The following MYPN variants were observed in gnomAD, a reference collection of about 807,000 sequenced individuals.
The protein encoded by MYPN is myopalladin, also known as sarcomeric protein myopalladin, 145 kDa (MYOP).
A neutral mutation model predicts 129.4 loss-of-function variants in MYPN; 63 were observed. That is an observed-to-expected ratio of 0.49 (90% confidence interval 0.40 to 0.60). The LOEUF (loss-of-function observed/expected upper bound fraction) is 0.60. MYPN is among the 20% of genes least tolerant of loss of function. MYPN has a pLI of 0.00. For synonymous variants in MYPN, 629 were observed against 600.9 expected (o/e 1.05, Z -0.68); for missense variants, 1,596 against 1,635.4 (o/e 0.98, Z 0.42).
chr10:68,198,442 C>T (rs1198573440), intron 16 of MYPN, among the ~76,000 whole-genome samples: 1 of 152,196 alleles, frequency 6.6e-6, no homozygotes, highest in East Asian at 1.9e-4. Context: ...GTCACCCTTT[C>T]TGCCCATAGA....
chr10:68,163,486 C>T (rs772901353), intron 8 of MYPN, among the ~76,000 whole-genome samples: 2 of 149,988 alleles, frequency 1.3e-5, no homozygotes, highest in East Asian at 2.0e-4. Flanking sequence ...AAAATTAGCC[C>T]GGCGTGGTGG....
intron 1 of MYPN, among the ~76,000 whole-genome samples, chr10:68,110,020 A>G (rs2042059743): frequency 6.6e-6 from 1 of 152,226 alleles, no homozygotes; most frequent in African/African-American, 2.4e-5. Context: ...CCACACATTC[A>G]TTTATTAAAA....
chr10:68,104,150 T>A (rs1190179148), upstream of MYPN, among the ~76,000 whole-genome samples: 1 of 152,202 alleles, frequency 6.6e-6, no homozygotes, highest in African/African-American at 2.4e-5. Flanking sequence ...AATACACTTG[T>A]AAGAAATGTT....
At chr10:68,202,724 T>A (rs2043738977) in intron 18 of MYPN, among the ~76,000 whole-genome samples, 1 of 152,162 alleles carries the variant, frequency 6.6e-6, no homozygotes, top group African/African-American at 2.4e-5. Flanking sequence ...AGGGGACAAG[T>A]AAGTAAAGGT....
chr10:68,185,642 A>T (rs111263314), intron 12 of MYPN, among the ~76,000 whole-genome samples: 3 of 152,230 alleles, frequency 2.0e-5, no homozygotes, highest in Non-Finnish European at 4.4e-5. Context: ...TATGTGAATT[A>T]TTCATTTTGA....
At chr10:68,155,067 G>C (rs2042845002) in intron 6 of MYPN, among the ~76,000 whole-genome samples, 1 of 152,100 alleles carries the variant, frequency 6.6e-6, no homozygotes, top group African/African-American at 2.4e-5. Flanking sequence ...TGTGGTCCCA[G>C]CTACTTGGGA....
chr10:68,142,852 G>A (rs2042598089), intron 2 of MYPN, 88 bp from the exon 3 acceptor site: 1 of 1,254,350 alleles, frequency 8.0e-7, no homozygotes, highest in South Asian at 1.2e-5. Flanking sequence ...GACTTCAAAT[G>A]AAGCTCATTT....
In MYPN at chr10:68,122,172, C is replaced by T. The variant is rs143574079; in HGVS notation, c.734C>T (p.Ala245Val). 3.7e-6 allele frequency: 6 copies of T among 1,610,592 alleles called. No individual in the cohort carries two copies. The highest frequency in any genetic ancestry group is 5.1e-6 in the Non-Finnish European group (6 of 1,178,000). Residue 245 changes from alanine to valine, a missense_variant, in exon 2 of 20, where the codon GCG becomes GTG. Coordinates refer to ENST00000358913, the MANE Select transcript of MYPN (RefSeq NM_032578.4). ...RREAEQAASE[A>V]AGGDTTPGSS... is the part of the protein sequence containing the mutation. ...GAAGCGGAGCAGGCTGCCAGTGAGGCGGCTGGTGGAGACACTACACCAGGG... is the reference window on the plus strand; with the variant it reads ...GAAGCGGAGCAGGCTGCCAGTGAGGTGGCTGGTGGAGACACTACACCAGGG...
At chr10:68,205,982 G>A (rs1045379311) in intron 18 of MYPN, among the ~76,000 whole-genome samples, 5 of 152,086 alleles carry the variant, frequency 3.3e-5, no homozygotes, top group Non-Finnish European at 7.4e-5. Context: ...TCAATGAAAG[G>A]TAAACACTTA....
intron 2 of MYPN, among the ~76,000 whole-genome samples, chr10:68,139,454 C>T (rs879334186): frequency 6.6e-5 from 10 of 152,104 alleles, no homozygotes; most frequent in Non-Finnish European, 7.4e-5. Flanking sequence ...TTCTTTTTGT[C>T]TCTATGGTTT....
At chr10:68,145,570 A>C in intron 4 of MYPN, 44 bp downstream of exon 4, 1 of 1,497,636 alleles carries the variant, frequency 6.7e-7, no homozygotes, top group Non-Finnish European at 9.3e-7. Flanking sequence ...TCCTCAGATC[A>C]ATTAATAGCT....
intron 10 of MYPN, among the ~76,000 whole-genome samples, chr10:68,169,774 C>G (rs1440126893): frequency 1.3e-5 from 2 of 150,994 alleles, no homozygotes; most frequent in Non-Finnish European, 2.9e-5. Context: ...GAGTCTTGCT[C>G]TGTCACCCAG....
At chr10:68,112,378 G>A (rs749558221) in intron 1 of MYPN, among the ~76,000 whole-genome samples, 5 of 152,140 alleles carry the variant, frequency 3.3e-5, no homozygotes, top group African/African-American at 1.2e-4. Context: ...AATACGCTTC[G>A]TAGGAGCCAG....
At chr10:68,129,537 C>T (rs1279723499) in intron 2 of MYPN, among the ~76,000 whole-genome samples, 2 of 152,136 alleles carry the variant, frequency 1.3e-5, no homozygotes, top group Admixed American at 1.3e-4. Flanking sequence ...TGAACAATGT[C>T]ATTACAAATG....
chr10:68,207,633 T>C (rs2043838402), intron 19 of MYPN, among the ~76,000 whole-genome samples: 1 of 152,090 alleles, frequency 6.6e-6, no homozygotes, highest in Non-Finnish European at 1.5e-5. Context: ...CCCCCAGACT[T>C]CTCTAATAAT....
At chr10:68,207,957 T>C (rs1039059399) in intron 19 of MYPN, among the ~76,000 whole-genome samples, 2 of 152,084 alleles carry the variant, frequency 1.3e-5, no homozygotes, top group African/African-American at 4.8e-5. Flanking sequence ...GCTATATATT[T>C]AGTGGAAGAC....
chr10:68,151,012 TG>T (rs1306354585), intron 6 of MYPN, among the ~76,000 whole-genome samples: 1 of 152,180 alleles, frequency 6.6e-6, no homozygotes, highest in African/African-American at 2.4e-5. Context: ...TTGTCACAGC[TG>T]GGGGGTTGCG....
At chr10:68,125,486 T>A (rs965225079) in intron 2 of MYPN, among the ~76,000 whole-genome samples, 1 of 152,228 alleles carries the variant, frequency 6.6e-6, no homozygotes, top group African/African-American at 2.4e-5. Flanking sequence ...AGAATTTATA[T>A]AACTCCAATC....
chr10:68,210,631 A>G lies in MYPN; in HGVS notation c.*176A>G. The G allele has an allele frequency of 1.3e-6, 1 of 743,840 alleles. No individual in the cohort carries two copies. Among genetic ancestry groups the G allele is most frequent in the Non-Finnish European group, 2.4e-6 (1 of 422,200 alleles). The allele number at this position is 743,840 out of a possible 1,614,324, so 46.1% of individuals were successfully genotyped here. A position where few individuals can be genotyped will look rare whatever the true frequency, so the allele number is the denominator to read the frequency against. The stretch of plus-strand genomic sequence containing the variant: ...ATTCTTGCAGTCTCAGCTGAGGGAG[A>G]AAGGTAGGGCTGTGCCTTCTAAAGA... On this transcript the variant is annotated 3_prime_UTR_variant, in exon 20 of 20. Transcript: ENST00000358913.
Sources: allele counts gnomAD v4.1 joint callset (sites outside exome capture counted in the v4.1 genomes callset), GRCh38; gene constraint gnomAD v4.1.1; transcripts MANE v1.5; gene names NCBI Gene and HGNC (gene_info 2026-07-23, HGNC 2026-07-21).